Variants in EPHA6 observed in about 807,000 individuals in gnomAD.
The protein encoded by EPHA6 is ephrin type-A receptor 6.
EPHA6 carries 50 observed loss-of-function variants against 112.0 expected under a neutral mutation model. That is an observed-to-expected ratio of 0.45 (90% confidence interval 0.36 to 0.56). The LOEUF is 0.56. Ranked by LOEUF, EPHA6 falls within the 20% of genes least tolerant of loss-of-function variation. EPHA6 has a pLI of 0.00. For missense variants in EPHA6, 1,280 were observed against 1,417.4 expected, an observed-to-expected ratio of 0.90 and a Z score of 1.56; for synonymous variants, 529 against 490.7, an observed-to-expected ratio of 1.08 and a Z score of -1.03.
intron 3 of EPHA6, among the ~76,000 whole-genome samples, chr3:96,992,816 C>T (rs887789766): frequency 1.3e-5 from 2 of 152,060 alleles, no homozygotes; most frequent in African/African-American, 4.8e-5. Flanking sequence ...GTACCCTTTT[C>T]TTCTTTTTCT....
chr3:96,983,535 A>C (rs1395947071), intron 2 of EPHA6, among the ~76,000 whole-genome samples: 1 of 152,010 alleles, frequency 6.6e-6, no homozygotes. Flanking sequence ...TGTGTCTTGG[A>C]GTTGCTCTTC....
chr3:97,095,005 A>T (rs2047190652), intron 3 of EPHA6, among the ~76,000 whole-genome samples: 1 of 152,082 alleles, frequency 6.6e-6, no homozygotes, highest in South Asian at 2.1e-4. Context: ...TTTAAGATGG[A>T]GAGAAAAATG....
chr3:96,905,780 T>C (rs2038900909), intron 2 of EPHA6, among the ~76,000 whole-genome samples: 1 of 152,078 alleles, frequency 6.6e-6, no homozygotes, highest in Admixed American at 6.6e-5. Flanking sequence ...TCGGTGTTAA[T>C]ATACCGTTTG....
chr3:97,095,462 G>A (rs2047207592), intron 3 of EPHA6, among the ~76,000 whole-genome samples: 1 of 151,820 alleles, frequency 6.6e-6, no homozygotes, highest in South Asian at 2.1e-4. Context: ...ATAAAAAAAA[G>A]CATCCTGCTT....
chr3:97,675,451 G>A (rs1057148992), intron 14 of EPHA6, among the ~76,000 whole-genome samples: 1 of 152,156 alleles, frequency 6.6e-6, no homozygotes, highest in Non-Finnish European at 1.5e-5. Context: ...CTGCACTCCA[G>A]CCTGGGCAAC....
intron 3 of EPHA6, among the ~76,000 whole-genome samples, chr3:97,022,290 G>A (rs2044488359): frequency 6.6e-6 from 1 of 152,028 alleles, no homozygotes; most frequent in African/African-American, 2.4e-5. Flanking sequence ...ATTTTTTCCA[G>A]TAATCACCCC....
intron 10 of EPHA6, among the ~76,000 whole-genome samples, chr3:97,490,066 T>G (rs1436430052): frequency 1.3e-5 from 2 of 152,246 alleles, no homozygotes; most frequent in East Asian, 3.9e-4. Context: ...CATTGTTTGA[T>G]AAATGCTTGT....
chr3:97,180,642 T>C (rs1470590448), intron 3 of EPHA6, among the ~76,000 whole-genome samples: 5 of 151,996 alleles, frequency 3.3e-5, no homozygotes, highest in Non-Finnish European at 7.4e-5. Context: ...TGTCTAGAAA[T>C]GTCATCTGGG....
intron 11 of EPHA6, among the ~76,000 whole-genome samples, chr3:97,539,475 G>A (rs1040419984): frequency 1.3e-5 from 2 of 152,098 alleles, no homozygotes; most frequent in African/African-American, 2.4e-5. Flanking sequence ...AGCATTAGGT[G>A]TTCAGTAATG....
At chr3:97,474,334 T>TA (rs1365336507) in intron 7 of EPHA6, among the ~76,000 whole-genome samples, 1 of 151,612 alleles carries the variant, frequency 6.6e-6, no homozygotes, top group Non-Finnish European at 1.5e-5. Context: ...GTAGTCAAAA[T>TA]AAAAAACAAG....
intron 14 of EPHA6, among the ~76,000 whole-genome samples, chr3:97,667,074 A>G (rs2030207772): frequency 6.6e-6 from 1 of 152,122 alleles, no homozygotes; most frequent in South Asian, 2.1e-4. Flanking sequence ...CCACCATATT[A>G]GTTTCCCTAA....
Position 97,744,968 on chromosome 3 carries a change from CAT to C in EPHA6, c.3129-2454_3129-2453del, listed in dbSNP as rs74745097. 9.9e-4 allele frequency among the ~76,000 whole-genome samples: 151 copies of C among 152,048 alleles called. 1 individual carries two copies. The East Asian group carries it at 0.023, about 23-fold the overall frequency. ...TGAAATAGGACACTCAATTTTCTAA[CAT>C]GTGGTTTTATTTATGTTAACAAGCA... On this transcript the variant is annotated intron_variant, in intron 16 of 17. Transcript: ENST00000389672.
intron 2 of EPHA6, among the ~76,000 whole-genome samples, chr3:96,940,582 C>T (rs998392205): frequency 6.6e-6 from 1 of 152,122 alleles, no homozygotes; most frequent in Non-Finnish European, 1.5e-5. Context: ...TTAGTTGGAG[C>T]ATTTAGTCCA....
At chr3:97,743,334 C>A (rs984893667) in intron 16 of EPHA6, among the ~76,000 whole-genome samples, 1 of 151,984 alleles carries the variant, frequency 6.6e-6, no homozygotes, top group Non-Finnish European at 1.5e-5. Context: ...TATGTGAGTG[C>A]CTACACAAAA....
At chr3:96,912,457 G>A (rs1257860770) in intron 2 of EPHA6, among the ~76,000 whole-genome samples, 2 of 152,072 alleles carry the variant, frequency 1.3e-5, no homozygotes, top group Non-Finnish European at 2.9e-5. Flanking sequence ...TACTGAGACC[G>A]TGAAATAATA....
chr3:97,216,333 G>A (rs1168005451), intron 3 of EPHA6, among the ~76,000 whole-genome samples: 1 of 152,010 alleles, frequency 6.6e-6, no homozygotes, highest in East Asian at 1.9e-4. Flanking sequence ...TTATAAACAG[G>A]GGATGCTTCT....
intron 5 of EPHA6, among the ~76,000 whole-genome samples, chr3:97,252,953 TAATC>T (rs1462801311): frequency 1.3e-5 from 2 of 152,146 alleles, no homozygotes; most frequent in Admixed American, 1.3e-4. Flanking sequence ...CAAACCAATA[TAATC>T]AATGATTCTG....
At chr3:97,277,840 T>A (rs535586174) in intron 5 of EPHA6, among the ~76,000 whole-genome samples, 6 of 152,280 alleles carry the variant, frequency 3.9e-5, no homozygotes, top group Admixed American at 3.9e-4. Flanking sequence ...TGAGTGAATG[T>A]GAAGGCCTAG....
At position 97,262,477 on chromosome 3, in the gene EPHA6, A is replaced by G. The variant is rs530443714; in HGVS notation, c.1606+18190A>G. Among the ~76,000 whole-genome samples, 6 of 152,298 alleles carry G rather than the reference A, an allele frequency of 3.9e-5. No homozygotes were observed. In the South Asian group the frequency reaches 1.0e-3, roughly 26 times the overall value. On this transcript the variant is annotated intron_variant, in intron 5 of 17. Transcript: ENST00000389672. ...GGAAGACTTCAAATTTAGAATGAAT[A>G]TATTCCCTGGTAAACCTCTACACAT...
Sources: gnomAD v4.1 joint callset for allele counts (sites outside exome capture counted in the v4.1 genomes callset) on GRCh38, gnomAD v4.1.1 for gene constraint, MANE v1.5 for transcripts, NCBI Gene and HGNC (gene_info 2026-07-23, HGNC 2026-07-21) for gene names.